ARHGAP15: variants seen among roughly 807,000 people sequenced by gnomAD.
The protein encoded by ARHGAP15 is Rho GTPase activating protein 15.
In ARHGAP15, 51 loss-of-function variants were observed where a neutral mutation model predicts 63.7. The observed-to-expected ratio is 0.80, with a 90% CI of 0.64 to 1.01. ARHGAP15 has a LOEUF of 1.01. Ranked by LOEUF, ARHGAP15 falls within the 50% of genes least tolerant of loss-of-function variation. The pLI is 0.00. For missense variants in ARHGAP15, 560 were observed against 564.6 expected, an observed-to-expected ratio of 0.99 and a Z score of 0.08; for synonymous variants, 191 against 193.8, an observed-to-expected ratio of 0.99 and a Z score of 0.12.
intron 3 of ARHGAP15, among the ~76,000 whole-genome samples, chr2:143,215,251 G>T (rs1490696739): frequency 1.3e-5 from 2 of 151,728 alleles, no homozygotes; most frequent in East Asian, 1.9e-4. Flanking sequence ...CTAATAAAAA[G>T]ACGTGCACAT....
At chr2:143,587,754 A>C (rs1425866506) in intron 11 of ARHGAP15, 2 of 470,434 alleles carry the variant, frequency 4.3e-6, no homozygotes, top group Non-Finnish European at 4.4e-6. Flanking sequence ...AGTAAGCTGC[A>C]GATTTTTCAC....
At chr2:143,756,886 C>G (rs1686598291) in intron 13 of ARHGAP15, among the ~76,000 whole-genome samples, 1 of 152,162 alleles carries the variant, frequency 6.6e-6, no homozygotes, top group African/African-American at 2.4e-5. Flanking sequence ...CTCTGACTCA[C>G]TTTTTTCCCA....
At chr2:143,675,517 G>C (rs1168035558) in intron 12 of ARHGAP15, among the ~76,000 whole-genome samples, 6 of 152,164 alleles carry the variant, frequency 3.9e-5, no homozygotes, top group Non-Finnish European at 8.8e-5. Context: ...TAAATAATCA[G>C]ACTTGAAAGT....
intron 6 of ARHGAP15, among the ~76,000 whole-genome samples, chr2:143,285,721 G>C (rs998832239): frequency 2.6e-4 from 39 of 152,060 alleles, no homozygotes; most frequent in African/African-American, 8.5e-4. Flanking sequence ...TTTAGCACAA[G>C]CATTTCAGAA....
chr2:143,580,258 G>A (rs891607015), intron 11 of ARHGAP15, among the ~76,000 whole-genome samples: 1 of 151,938 alleles, frequency 6.6e-6, no homozygotes, highest in Non-Finnish European at 1.5e-5. Context: ...TTGTGCCATT[G>A]CAAGTAAATA....
chr2:143,380,165 T>C (rs1687001263), intron 6 of ARHGAP15, among the ~76,000 whole-genome samples: 1 of 152,114 alleles, frequency 6.6e-6, no homozygotes, highest in African/African-American at 2.4e-5. Flanking sequence ...ATGTAATATG[T>C]TAGTACTCTG....
At chr2:143,628,692 T>A (rs1019845234) in intron 12 of ARHGAP15, among the ~76,000 whole-genome samples, 1 of 152,178 alleles carries the variant, frequency 6.6e-6, no homozygotes, top group African/African-American at 2.4e-5. Flanking sequence ...CTGATGTGTC[T>A]ACTTTCTTGG....
At chr2:143,718,688 T>G (rs1684917642) in intron 13 of ARHGAP15, among the ~76,000 whole-genome samples, 1 of 152,204 alleles carries the variant, frequency 6.6e-6, no homozygotes, top group Non-Finnish European at 1.5e-5. Context: ...CCTCCCAATA[T>G]TCATCATCCT....
intron 6 of ARHGAP15, among the ~76,000 whole-genome samples, chr2:143,373,629 C>CAAAAAAAA (rs58153000): frequency 2.1e-4 from 13 of 62,968 alleles, no homozygotes; most frequent in South Asian, 8.1e-4. Flanking sequence ...GACTCTATCT[C>CAAAAAAAA]AAAAAAAAAA....
chr2:143,690,114 A>G (rs1307589398), intron 12 of ARHGAP15, among the ~76,000 whole-genome samples: 1 of 152,220 alleles, frequency 6.6e-6, no homozygotes, highest in Non-Finnish European at 1.5e-5. Flanking sequence ...GGATGCTTCT[A>G]TCTGCTTTCA....
intron 10 of ARHGAP15, among the ~76,000 whole-genome samples, chr2:143,553,843 T>C (rs2105080250): frequency 6.6e-6 from 1 of 152,354 alleles, no homozygotes; most frequent in East Asian, 1.9e-4. Flanking sequence ...TTTACAATTC[T>C]ATGCATTTCA....
At chr2:143,176,222 A>C (rs1691003788) in intron 2 of ARHGAP15, among the ~76,000 whole-genome samples, 1 of 152,154 alleles carries the variant, frequency 6.6e-6, no homozygotes, top group Admixed American at 6.5e-5. Context: ...TATTGATGGA[A>C]AATATTAAAT....
chr2:143,700,794 C>G (rs1684053635), intron 12 of ARHGAP15, among the ~76,000 whole-genome samples: 1 of 152,164 alleles, frequency 6.6e-6, no homozygotes. Flanking sequence ...CCCAATAGCT[C>G]TGACCTGGGC....
At position 143,542,769 on chromosome 2, in the gene ARHGAP15, A is replaced by AGT. The variant is rs1695148559; in HGVS notation, c.926-13639_926-13638insGT. Reference sequence around the variant, plus strand: ...ATGATATATATAATATCACATATATAATATATATATGATATATATAATATC... The same window carrying AGT: ...ATGATATATATAATATCACATATATAGTATATATATATGATATATATAATATC... On this transcript the variant is annotated intron_variant, in intron 10 of 13. Coordinates refer to ENST00000295095, the MANE Select transcript of ARHGAP15 (RefSeq NM_018460.4). 8.9e-5 allele frequency among the ~76,000 whole-genome samples: 8 copies of AGT among 89,548 alleles called. 2 individuals carry two copies. The East Asian group carries it at 1.6e-3, about 18-fold the overall frequency. 58.7% of individuals were successfully genotyped at this position (89,548 alleles called of 152,430 possible).
chr2:143,382,123 CTCCT>C (rs146098208), intron 6 of ARHGAP15, among the ~76,000 whole-genome samples: 4 of 125,326 alleles, frequency 3.2e-5, no homozygotes, highest in African/African-American at 1.1e-4. Flanking sequence ...TCCTCCCTCC[CTCCT>C]CCCTTCCTTT....
At chr2:143,160,925 AC>A (rs1690268778) in intron 2 of ARHGAP15, among the ~76,000 whole-genome samples, 3 of 151,972 alleles carry the variant, frequency 2.0e-5, no homozygotes, top group African/African-American at 7.2e-5. Flanking sequence ...ATGTGGCTGC[AC>A]CGTTTCCATC....
intron 11 of ARHGAP15, among the ~76,000 whole-genome samples, chr2:143,568,272 CT>C (rs1402860693): frequency 2.6e-5 from 4 of 152,182 alleles, no homozygotes; most frequent in African/African-American, 9.7e-5. Flanking sequence ...ATCTACCCAT[CT>C]GACAAAGGGC....
chr2:143,278,485 T>C (rs1681678780), intron 6 of ARHGAP15, among the ~76,000 whole-genome samples: 1 of 152,168 alleles, frequency 6.6e-6, no homozygotes, highest in African/African-American at 2.4e-5. Flanking sequence ...AAAATGGCTT[T>C]TGAGTAGGTA....
chr2:143,263,907 C>CTTTTTTT lies in ARHGAP15; in HGVS notation c.474+13337_474+13343dup, dbSNP rs373296096. Reference sequence around the variant, plus strand: ...GGTGGGTCTACGGTGAAGCTGCAGTCTTTTTTTTTTTTTTTTTTTTTTTTT... The same window carrying CTTTTTTT: ...GGTGGGTCTACGGTGAAGCTGCAGTCTTTTTTTTTTTTTTTTTTTTTTTTTTTTTTTT... On this transcript the variant is annotated intron_variant, in intron 6 of 13. Coordinates refer to ENST00000295095, the MANE Select transcript of ARHGAP15 (RefSeq NM_018460.4). Among the ~76,000 whole-genome samples, 17 of 38,452 alleles carry CTTTTTTT rather than the reference C, an allele frequency of 4.4e-4. 2 individuals carry two copies. The highest frequency in any genetic ancestry group is 1.0e-3 in the African/African-American group (16 of 16,006). The allele number at this position is 38,452 out of a possible 152,430, so 25.2% of individuals were successfully genotyped here.
Sources: gnomAD v4.1 joint callset for allele counts (sites outside exome capture counted in the v4.1 genomes callset) on GRCh38, gnomAD v4.1.1 for gene constraint, MANE v1.5 for transcripts, NCBI Gene and HGNC (gene_info 2026-07-23, HGNC 2026-07-21) for gene names.